The following FRAS1 variants were observed in gnomAD, a reference collection of about 807,000 sequenced individuals.
FRAS1 encodes the protein Fraser extracellular matrix complex subunit 1, also known as extracellular matrix organizing protein FRAS1.
A neutral mutation model predicts 435.2 loss-of-function variants in FRAS1; 290 were observed. That is an observed-to-expected ratio of 0.67 (90% CI 0.61 to 0.73). The LOEUF is 0.73. Among genes scored for constraint, FRAS1 ranks in the 30% least tolerant of loss-of-function variants. The probability of loss-of-function intolerance (pLI) is 0.00; values close to 1 mark genes in which losing one functional copy is unlikely to be tolerated. For missense variants in FRAS1, 4,860 were observed against 5,001.5 expected, an observed-to-expected ratio of 0.97 and a Z score of 0.85; for synonymous variants, 1,800 against 1,851.0, an observed-to-expected ratio of 0.97 and a Z score of 0.71.
chr4:78,088,912 A>G (rs941844729), intron 2 of FRAS1, among the ~76,000 whole-genome samples: 4 of 152,236 alleles, frequency 2.6e-5, no homozygotes, highest in African/African-American at 9.6e-5. Context: ...CATTTGACCC[A>G]GCAATCCCAT....
intron 69 of FRAS1, among the ~76,000 whole-genome samples, chr4:78,523,924 A>G (rs973321926): frequency 6.6e-6 from 1 of 152,058 alleles, no homozygotes; most frequent in East Asian, 1.9e-4. Context: ...CAATCCCTGA[A>G]CCCACCAGCC....
chr4:78,483,239 C>T (rs755264575), intron 58 of FRAS1, among the ~76,000 whole-genome samples: 4 of 151,890 alleles, frequency 2.6e-5, no homozygotes, highest in South Asian at 2.1e-4. Context: ...TTTTAGAAAG[C>T]GAATATTGGC....
chr4:78,470,157 GAC>G, intron 51 of FRAS1, 66 bp downstream of exon 51: 1 of 1,031,996 alleles, frequency 9.7e-7, no homozygotes, highest in African/African-American at 1.6e-5. Context: ...TCACGACAAT[GAC>G]TTATGAATAG....
intron 70 of FRAS1, among the ~76,000 whole-genome samples, chr4:78,533,066 T>C (rs1042811624): frequency 3.3e-5 from 5 of 152,350 alleles, no homozygotes; most frequent in Non-Finnish European, 5.9e-5. Context: ...CATACTGTTT[T>C]ACATAATGGC....
intron 38 of FRAS1, among the ~76,000 whole-genome samples, chr4:78,436,440 T>C (rs1734431578): frequency 6.6e-6 from 1 of 152,232 alleles, no homozygotes; most frequent in Admixed American, 6.5e-5. Context: ...AATATTCATA[T>C]ACCCTAACCA....
chr4:78,152,329 G>A (rs898568834), intron 2 of FRAS1, among the ~76,000 whole-genome samples: 1 of 152,074 alleles, frequency 6.6e-6, no homozygotes, highest in Non-Finnish European at 1.5e-5. Flanking sequence ...TGAGGTGCAG[G>A]TAGGAGACTG....
intron 2 of FRAS1, among the ~76,000 whole-genome samples, chr4:78,105,659 C>T (rs1422155742): frequency 6.6e-6 from 1 of 152,004 alleles, no homozygotes; most frequent in Non-Finnish European, 1.5e-5. Flanking sequence ...GGGAAATGTA[C>T]AACTGTTGAA....
chr4:78,240,350 T>C (rs999979343), intron 3 of FRAS1, among the ~76,000 whole-genome samples: 3 of 152,016 alleles, frequency 2.0e-5, no homozygotes, highest in Non-Finnish European at 4.4e-5. Context: ...ACTGATAGTG[T>C]AGGGATCAAG....
At chr4:78,078,993 A>C (rs1421562898) in intron 2 of FRAS1, among the ~76,000 whole-genome samples, 1 of 152,190 alleles carries the variant, frequency 6.6e-6, no homozygotes, top group African/African-American at 2.4e-5. Context: ...TATGTTATAA[A>C]ATAAGAAGTT....
intron 18 of FRAS1, among the ~76,000 whole-genome samples, chr4:78,323,709 A>T (rs528355571): frequency 6.6e-6 from 1 of 152,106 alleles, no homozygotes; most frequent in African/African-American, 2.4e-5. Flanking sequence ...GTGGCAGCCC[A>T]GGGATGGACA....
chr4:78,172,477 T>C (rs948921040), intron 2 of FRAS1, among the ~76,000 whole-genome samples: 1 of 152,120 alleles, frequency 6.6e-6, no homozygotes. Context: ...GACAAACACT[T>C]TTTTTCTGAC....
intron 6 of FRAS1, among the ~76,000 whole-genome samples, chr4:78,261,285 A>G (rs555113382): frequency 6.6e-6 from 1 of 151,942 alleles, no homozygotes; most frequent in Non-Finnish European, 1.5e-5. Flanking sequence ...ATATTCTTGC[A>G]TCTTACTGAA....
intron 18 of FRAS1, among the ~76,000 whole-genome samples, chr4:78,325,055 C>T (rs13144541): frequency 0.3 from 45,225 of 151,934 alleles, 7,745 homozygotes; most frequent in East Asian, 0.37. Context: ...AGAAGAAACA[C>T]AGTGTTTTAA....
intron 14 of FRAS1, among the ~76,000 whole-genome samples, chr4:78,293,968 G>T (rs777582292): frequency 6.6e-6 from 1 of 152,210 alleles, no homozygotes; most frequent in Non-Finnish European, 1.5e-5. Flanking sequence ...CTTTCAGACA[G>T]ATCCCATTCT....
intron 29 of FRAS1, among the ~76,000 whole-genome samples, chr4:78,388,687 A>G (rs1732324651): frequency 6.6e-6 from 1 of 151,278 alleles, no homozygotes; most frequent in Non-Finnish European, 1.5e-5. Context: ...ATGCACCTAT[A>G]GTCTCCACTA....
intron 2 of FRAS1, among the ~76,000 whole-genome samples, chr4:78,079,599 A>G (rs1022177214): frequency 6.6e-6 from 1 of 152,176 alleles, no homozygotes; most frequent in African/African-American, 2.4e-5. Context: ...CATGATGTCA[A>G]CATGTGTTTT....
At chr4:78,362,217 T>G (rs1731096656) in intron 20 of FRAS1, among the ~76,000 whole-genome samples, 1 of 152,204 alleles carries the variant, frequency 6.6e-6, no homozygotes, top group Admixed American at 6.5e-5. Context: ...GACCAAAATT[T>G]TCCAGCAACT....
chr4:78,487,950 C>T (rs1258476745), intron 58 of FRAS1, among the ~76,000 whole-genome samples: 4 of 152,128 alleles, frequency 2.6e-5, no homozygotes, highest in African/African-American at 4.8e-5. Flanking sequence ...TGACTACGGT[C>T]TCATCCTTAA....
At chr4:78,428,980 A>G (rs1466976244) in intron 35 of FRAS1, 115 bp from the exon 36 acceptor site, 12 of 1,065,434 alleles carry the variant, frequency 1.1e-5, no homozygotes, top group Non-Finnish European at 1.5e-5. Flanking sequence ...TTCTAGCTAC[A>G]TATTTGTGGA....
Sources: allele counts gnomAD v4.1 joint callset (sites outside exome capture counted in the v4.1 genomes callset), GRCh38; gene constraint gnomAD v4.1.1; transcripts MANE v1.5; gene names NCBI Gene and HGNC (gene_info 2026-07-23, HGNC 2026-07-21).